The following OSBPL10 variants were observed in gnomAD, a reference collection of about 807,000 sequenced individuals.
OSBPL10 encodes the protein oxysterol binding protein like 10, also known as oxysterol-binding protein-related protein 10.
Under a neutral mutation model 81.7 loss-of-function variants are expected in OSBPL10, and 49 were observed. That is an observed-to-expected ratio of 0.60 (90% CI 0.48 to 0.76). The LOEUF is 0.76. OSBPL10 is among the 30% of genes least tolerant of loss of function. The pLI is 0.00. For synonymous variants in OSBPL10, 419 were observed against 383.6 expected, an observed-to-expected ratio of 1.09 and a Z score of -1.08; for missense variants, 923 against 987.8, an observed-to-expected ratio of 0.93 and a Z score of 0.88.
chr3:32,053,723 C>T (rs4955132), intron 1 of OSBPL10, among the ~76,000 whole-genome samples: 109,529 of 152,040 alleles, frequency 0.72, 41,047 homozygotes, highest in East Asian at 0.91. Flanking sequence ...CCTGTAATCC[C>T]AGCACTTTGT....
At chr3:31,804,794 C>T (rs1340318370) in intron 4 of OSBPL10, among the ~76,000 whole-genome samples, 1 of 152,200 alleles carries the variant, frequency 6.6e-6, no homozygotes, top group Non-Finnish European at 1.5e-5. Flanking sequence ...TAAGCTTTTT[C>T]AGAAGTTACT....
intron 2 of OSBPL10, among the ~76,000 whole-genome samples, chr3:32,044,837 AATT>A (rs1292113993): frequency 6.6e-6 from 1 of 152,126 alleles, no homozygotes; most frequent in Non-Finnish European, 1.5e-5. Flanking sequence ...TGCTCAAAAA[AATT>A]ATTTGCTGAA....
At chr3:32,062,545 C>T (rs1201565829) in intron 1 of OSBPL10, among the ~76,000 whole-genome samples, 1 of 94,714 alleles carries the variant, frequency 1.1e-5, no homozygotes, top group African/African-American at 2.7e-5. Context: ...GCTATCTTTA[C>T]GATTTAGAAA....
chr3:31,975,471 A>C (rs377456052), intron 1 of OSBPL10, among the ~76,000 whole-genome samples: 89 of 152,330 alleles, frequency 5.8e-4, no homozygotes, highest in African/African-American at 2.0e-3. Flanking sequence ...GATAAGTGGC[A>C]CCAAAATGCT....
At chr3:31,970,321 C>T (rs1698523884) in intron 1 of OSBPL10, among the ~76,000 whole-genome samples, 1 of 152,200 alleles carries the variant, frequency 6.6e-6, no homozygotes, top group Non-Finnish European at 1.5e-5. Context: ...CAGATTTCTT[C>T]TGTCTCCATG....
chr3:31,920,086 A>G (rs1696867408), intron 1 of OSBPL10, among the ~76,000 whole-genome samples: 1 of 152,264 alleles, frequency 6.6e-6, no homozygotes, highest in East Asian at 1.9e-4. Context: ...AGAATTTAAA[A>G]TGCAGAAGAT....
chr3:32,006,114 T>C (rs1418504034), intron 2 of OSBPL10, among the ~76,000 whole-genome samples: 1 of 151,924 alleles, frequency 6.6e-6, no homozygotes, highest in African/African-American at 2.4e-5. Flanking sequence ...CCAGCTAATT[T>C]TTGTATTTTT....
chr3:31,706,981 C>G (rs1027045384), intron 6 of OSBPL10, among the ~76,000 whole-genome samples: 1 of 151,856 alleles, frequency 6.6e-6, no homozygotes, highest in Non-Finnish European at 1.5e-5. Flanking sequence ...AGTGAACTGC[C>G]TTCTCTCTTA....
intron 7 of OSBPL10, among the ~76,000 whole-genome samples, chr3:31,684,658 C>T (rs1028581259): frequency 1.3e-5 from 2 of 152,196 alleles, no homozygotes; most frequent in Non-Finnish European, 2.9e-5. Flanking sequence ...GGTGTACAAG[C>T]CCCACCATGA....
At chr3:31,957,148 TAAATAA>T (rs1174169944) in intron 1 of OSBPL10, among the ~76,000 whole-genome samples, 2 of 151,676 alleles carry the variant, frequency 1.3e-5, no homozygotes, top group Admixed American at 6.6e-5. Context: ...AAATAAAAAA[TAAATAA>T]AAATAAATAA....
chr3:31,888,403 CT>C (rs1695799638), intron 1 of OSBPL10, among the ~76,000 whole-genome samples: 1 of 152,114 alleles, frequency 6.6e-6, no homozygotes, highest in African/African-American at 2.4e-5. Flanking sequence ...GGACCTTGGT[CT>C]GGGAAAAGAT....
At chr3:31,958,003 C>T (rs1455202527) in intron 1 of OSBPL10, among the ~76,000 whole-genome samples, 3 of 152,086 alleles carry the variant, frequency 2.0e-5, no homozygotes, top group Non-Finnish European at 4.4e-5. Flanking sequence ...GAAGTATGGT[C>T]ATTTGTTTCT....
chr3:32,002,028 T>C (rs1575083278), intron 2 of OSBPL10, among the ~76,000 whole-genome samples: 1 of 152,182 alleles, frequency 6.6e-6, no homozygotes, highest in Admixed American at 6.5e-5. Flanking sequence ...AAATGGCAGG[T>C]TAGGGTTCAA....
chr3:31,680,958 T>G (rs1043678546), intron 8 of OSBPL10, among the ~76,000 whole-genome samples: 3 of 152,186 alleles, frequency 2.0e-5, no homozygotes, highest in African/African-American at 7.2e-5. Context: ...AATACTGCAC[T>G]CTTACAGAAG....
chr3:31,736,913 G>T (rs78785708), intron 5 of OSBPL10, among the ~76,000 whole-genome samples: 149 of 152,194 alleles, frequency 9.8e-4, no homozygotes, highest in African/African-American at 3.4e-3. Flanking sequence ...AAACACTAGG[G>T]GGAAGAAAAG....
intron 1 of OSBPL10, among the ~76,000 whole-genome samples, chr3:31,974,176 T>C (rs1443466021): frequency 5.9e-5 from 9 of 152,162 alleles, no homozygotes; most frequent in Non-Finnish European, 1.3e-4. Context: ...GGCCGATTAA[T>C]ACGTGAAAAC....
At chr3:32,010,900 G>A (rs1301207054) in intron 2 of OSBPL10, among the ~76,000 whole-genome samples, 4 of 152,130 alleles carry the variant, frequency 2.6e-5, no homozygotes, top group Admixed American at 1.3e-4. Flanking sequence ...GAGGAGGGGC[G>A]CCCCCCATTG....
At chr3:32,067,186 A>G (rs1699786906) in intron 1 of OSBPL10, among the ~76,000 whole-genome samples, 1 of 152,156 alleles carries the variant, frequency 6.6e-6, no homozygotes, top group African/African-American at 2.4e-5. Context: ...TTCAATGACT[A>G]AAAGATCTAA....
chr3:31,924,324 G>A (rs1028199368), intron 1 of OSBPL10, among the ~76,000 whole-genome samples: 1 of 152,086 alleles, frequency 6.6e-6, no homozygotes, highest in Non-Finnish European at 1.5e-5. Flanking sequence ...AAAAGAGTAC[G>A]TGGTCCATGG....
Sources: gnomAD v4.1 joint callset for allele counts (sites outside exome capture counted in the v4.1 genomes callset) on GRCh38, gnomAD v4.1.1 for gene constraint, MANE v1.5 for transcripts, NCBI Gene and HGNC (gene_info 2026-07-23, HGNC 2026-07-21) for gene names.